Variants in CYFIP1 observed in about 807,000 individuals in gnomAD.
CYFIP1 encodes the protein cytoplasmic FMR1 interacting protein 1.
In CYFIP1, 58 loss-of-function variants were observed where a neutral mutation model predicts 163.5. That is an observed-to-expected ratio of 0.35 (90% confidence interval 0.29 to 0.44). The LOEUF is 0.44. Among genes scored for constraint, CYFIP1 ranks in the 20% least tolerant of loss-of-function variants. The probability of loss-of-function intolerance (pLI) is 1.00; values close to 1 mark genes in which losing one functional copy is unlikely to be tolerated. For missense variants in CYFIP1, 1,338 were observed against 1,653.8 expected (o/e 0.81, Z 3.31); for synonymous variants, 663 against 660.7 (o/e 1.00, Z -0.05).
At chr15:22,933,765 C>T (rs767202238) in intron 10 of CYFIP1, 37 bp downstream of exon 10, 8 of 1,507,564 alleles carry the variant, frequency 5.3e-6, no homozygotes, top group Admixed American at 5.3e-5. Flanking sequence ...AGGACACTGC[C>T]GAAAGCTCAA....
intron 1 of CYFIP1, among the ~76,000 whole-genome samples, chr15:22,972,349 A>G (rs1228432734): frequency 6.6e-6 from 1 of 152,200 alleles, no homozygotes; most frequent in Non-Finnish European, 1.5e-5. Context: ...AGGCAGGAGA[A>G]TCGCTTGAAC....
chr15:22,887,752 C>T (rs1025027813), intron 23 of CYFIP1, among the ~76,000 whole-genome samples: 2 of 152,162 alleles, frequency 1.3e-5, no homozygotes, highest in African/African-American at 4.8e-5. Context: ...GGAGGCACTA[C>T]TTCTGGGGAA....
chr15:22,919,333 G>A (rs573482341), intron 13 of CYFIP1, among the ~76,000 whole-genome samples: 2 of 152,182 alleles, frequency 1.3e-5, no homozygotes, highest in Non-Finnish European at 2.9e-5. Flanking sequence ...AGGAATTCCT[G>A]GGACAGAAAA....
chr15:22,958,762 C>G (rs552582868), intron 1 of CYFIP1, among the ~76,000 whole-genome samples: 27 of 152,350 alleles, frequency 1.8e-4, no homozygotes, highest in African/African-American at 6.3e-4. Flanking sequence ...TTCACTGGCT[C>G]TCTCTGCCTA....
intron 16 of CYFIP1, among the ~76,000 whole-genome samples, chr15:22,916,217 C>T (rs1047812300): frequency 6.6e-6 from 1 of 152,240 alleles, no homozygotes; most frequent in Admixed American, 6.5e-5. Context: ...TGTTTCCAAC[C>T]CCGCATGGGT....
chr15:22,923,427 C>T (rs1409498149), intron 13 of CYFIP1, among the ~76,000 whole-genome samples: 2 of 152,180 alleles, frequency 1.3e-5, no homozygotes, highest in Non-Finnish European at 2.9e-5. Context: ...TACCACCTCA[C>T]ACCCACTAGG....
chr15:22,909,071 T>C (rs2060691604), intron 21 of CYFIP1, 123 bp downstream of exon 21: 4 of 1,260,300 alleles, frequency 3.2e-6, no homozygotes, highest in Non-Finnish European at 3.3e-6. Flanking sequence ...GCATCTCTTT[T>C]ATTATCTATA....
At chr15:22,965,756 A>G (rs1292606280) in intron 1 of CYFIP1, among the ~76,000 whole-genome samples, 1 of 152,110 alleles carries the variant, frequency 6.6e-6, no homozygotes, top group Non-Finnish European at 1.5e-5. Flanking sequence ...TAGCGGACAC[A>G]CCAGGCCCCA....
At chr15:22,941,984 T>C (rs1290052274) in intron 6 of CYFIP1, among the ~76,000 whole-genome samples, 3 of 152,226 alleles carry the variant, frequency 2.0e-5, no homozygotes, top group Non-Finnish European at 1.5e-5. Context: ...TGAGTCTCGA[T>C]GCTAGATTCC....
chr15:22,939,505 G>A lies in CYFIP1; in HGVS notation c.572C>T (p.Ala191Val). The A allele has an allele frequency of 6.3e-7, 1 of 1,581,662 alleles. No homozygotes were observed. The highest frequency in any genetic ancestry group is 8.6e-7 in the Non-Finnish European group (1 of 1,165,534). The change falls in exon 7 of 31, where the codon GCC (alanine) becomes GTC (valine). Residue 191 changes from alanine (A) to valine (V), a missense_variant and splice_region_variant. Transcript: ENST00000617928. Reference protein sequence around the residue: ...VKNDHSAYKRAAQFLRKMADP... With the variant: ...VKNDHSAYKRVAQFLRKMADP... ...TGCCATTTTACGTAAAAACTGAGCGGCCCTTTGAAAACAAAAAGAATTCAT... is the reference window on the plus strand; with the variant it reads ...TGCCATTTTACGTAAAAACTGAGCGACCCTTTGAAAACAAAAAGAATTCAT...
At chr15:22,899,503 G>A (rs1296620217) in intron 22 of CYFIP1, among the ~76,000 whole-genome samples, 1 of 151,716 alleles carries the variant, frequency 6.6e-6, no homozygotes, top group Non-Finnish European at 1.5e-5. Context: ...ATGATTGTGA[G>A]TGAGTCTCAT....
intron 12 of CYFIP1, among the ~76,000 whole-genome samples, chr15:22,926,793 G>A (rs940996721): frequency 1.3e-5 from 2 of 152,162 alleles, no homozygotes; most frequent in South Asian, 2.1e-4. Flanking sequence ...AAATAAGACA[G>A]TGTTAGATAG....
chr15:22,958,658 C>T (rs575304440), intron 1 of CYFIP1, among the ~76,000 whole-genome samples: 5 of 152,256 alleles, frequency 3.3e-5, no homozygotes, highest in African/African-American at 9.6e-5. Context: ...AACCTCCTAA[C>T]ATCGCCCTCC....
chr15:22,975,997 G>A (rs946447045), intron 1 of CYFIP1, among the ~76,000 whole-genome samples: 1 of 152,038 alleles, frequency 6.6e-6, no homozygotes, highest in Non-Finnish European at 1.5e-5. Flanking sequence ...TCTTTACTAT[G>A]TTGAGTGTTC....
At chr15:22,922,207 T>A (rs1421352154) in intron 13 of CYFIP1, among the ~76,000 whole-genome samples, 5 of 152,168 alleles carry the variant, frequency 3.3e-5, no homozygotes, top group Non-Finnish European at 5.9e-5. Flanking sequence ...CCTACTGCTG[T>A]ACCAGTCTGA....
intron 13 of CYFIP1, among the ~76,000 whole-genome samples, chr15:22,920,079 G>A (rs1354702129): frequency 6.8e-6 from 1 of 146,964 alleles, no homozygotes; most frequent in Non-Finnish European, 1.5e-5. Flanking sequence ...TCAGTCCACA[G>A]TAATAAAAAA....
chr15:22,881,168 G>A (rs2059749950), intron 25 of CYFIP1, among the ~76,000 whole-genome samples: 1 of 152,110 alleles, frequency 6.6e-6, no homozygotes, highest in South Asian at 2.1e-4. Flanking sequence ...GCTCAGCCAC[G>A]CTGACTGACT....
chr15:22,910,707 T>C, intron 19 of CYFIP1, 30 bp downstream of exon 19: 2 of 1,608,888 alleles, frequency 1.2e-6, no homozygotes, highest in African/African-American at 1.3e-5. Flanking sequence ...ATGAAACGTT[T>C]TGTATCAAAA....
At chr15:22,949,273 A>G (rs1357012749) in intron 1 of CYFIP1, among the ~76,000 whole-genome samples, 1 of 80,912 alleles carries the variant, frequency 1.2e-5, no homozygotes, top group African/African-American at 4.7e-5. Flanking sequence ...GCCTAAGCCT[A>G]AAGCGGGGAC....
Sources: gnomAD v4.1 joint callset for allele counts (sites outside exome capture counted in the v4.1 genomes callset) on GRCh38, gnomAD v4.1.1 for gene constraint, MANE v1.5 for transcripts, NCBI Gene and HGNC (gene_info 2026-07-23, HGNC 2026-07-21) for gene names.